SORBS2: variants seen among roughly 807,000 people sequenced by gnomAD.
SORBS2 encodes the protein sorbin and SH3 domain-containing protein 2.
SORBS2 carries 46 observed loss-of-function variants against 97.7 expected under a neutral mutation model. The ratio of observed to expected loss-of-function variants is 0.47; its 90% CI spans 0.37 to 0.60. The LOEUF (loss-of-function observed/expected upper bound fraction) is 0.60, where lower values mean the gene tolerates loss of function less well. SORBS2 is among the 20% of genes least tolerant of loss of function. The probability of loss-of-function intolerance (pLI) is 0.00; values close to 1 mark genes in which losing one functional copy is unlikely to be tolerated. For missense variants in SORBS2, 1,316 were observed against 1,282.3 expected (o/e 1.03, Z -0.40); for synonymous variants, 476 against 473.4 (o/e 1.01, Z -0.07).
intron 1 of SORBS2, among the ~76,000 whole-genome samples, chr4:185,865,329 G>T (rs561561100): frequency 1.7e-3 from 264 of 152,272 alleles, no homozygotes; most frequent in Non-Finnish European, 2.4e-3. Flanking sequence ...TGTGGCTGCT[G>T]CATCTACCTG....
intron 12 of SORBS2, among the ~76,000 whole-genome samples, chr4:185,604,697 G>A (rs2096364267): frequency 1.3e-5 from 2 of 152,050 alleles, no homozygotes; most frequent in Non-Finnish European, 2.9e-5. Flanking sequence ...TTCCTCTTTT[G>A]AATTTGATTC....
At chr4:185,801,478 T>G (rs539684388) in intron 1 of SORBS2, among the ~76,000 whole-genome samples, 1 of 152,292 alleles carries the variant, frequency 6.6e-6, no homozygotes, top group East Asian at 1.9e-4. Context: ...TCACCAACAC[T>G]CGTTATCTTT....
intron 1 of SORBS2, chr4:185,811,772 C>T (rs943858558): frequency 6.6e-6 from 1 of 152,276 alleles, no homozygotes; most frequent in African/African-American, 2.4e-5. Context: ...CAGGTAAACC[C>T]GAGAGCGTCC....
intron 1 of SORBS2, among the ~76,000 whole-genome samples, chr4:185,954,282 T>C (rs1331660045): frequency 3.3e-5 from 5 of 152,196 alleles, no homozygotes; most frequent in Admixed American, 6.5e-5. Flanking sequence ...CTTTTAAACA[T>C]AGAAATAAGT....
chr4:185,641,529 G>T (rs1268721631), intron 4 of SORBS2, among the ~76,000 whole-genome samples: 1 of 152,000 alleles, frequency 6.6e-6, no homozygotes, highest in Non-Finnish European at 1.5e-5. Context: ...ACATACAGAT[G>T]GTCAGTCAAC....
intron 12 of SORBS2, among the ~76,000 whole-genome samples, chr4:185,596,565 T>C (rs1297899637): frequency 7.6e-6 from 1 of 131,412 alleles, no homozygotes; most frequent in Non-Finnish European, 1.6e-5. Flanking sequence ...AGATGGAGTC[T>C]CACTCTGCCA....
intron 1 of SORBS2, among the ~76,000 whole-genome samples, chr4:185,806,466 T>C (rs2099155162): frequency 7.2e-5 from 2 of 27,804 alleles, no homozygotes; most frequent in Admixed American, 5.1e-4. Flanking sequence ...TTTTTTTTTT[T>C]TTTTTTTTTG....
intron 1 of SORBS2, among the ~76,000 whole-genome samples, chr4:185,932,086 G>A (rs2099266792): frequency 6.6e-6 from 1 of 151,260 alleles, no homozygotes; most frequent in Non-Finnish European, 1.5e-5. Flanking sequence ...ATTTATATAT[G>A]TGTGTGTTTA....
At chr4:185,907,565 T>C (rs928319864) in intron 1 of SORBS2, among the ~76,000 whole-genome samples, 18 of 152,212 alleles carry the variant, frequency 1.2e-4, no homozygotes, top group African/African-American at 4.3e-4. Context: ...TTGCCTCTTT[T>C]TATTTTGTTT....
At chr4:185,703,075 G>A (rs2098288534) in intron 2 of SORBS2, among the ~76,000 whole-genome samples, 2 of 152,168 alleles carry the variant, frequency 1.3e-5, no homozygotes, top group South Asian at 4.1e-4. Flanking sequence ...CAACCAAGCT[G>A]TCTCCCTCTT....
In SORBS2 at chr4:185,646,693, G is replaced by T; in HGVS notation, c.371C>A (p.Ser124Ter). The T allele has an allele frequency of 6.2e-7, 1 of 1,612,440 alleles. No individual in the cohort carries two copies. The highest frequency in any genetic ancestry group is 1.1e-5 in the South Asian group (1 of 91,018). Residue 124 changes from serine (S) to a stop codon, truncating the protein, a stop_gained, in exon 4 of 15, where the codon TCA becomes TAA. Transcript: ENST00000418609. LOFTEE classifies it high-confidence loss of function. ...TGGTCTTTCATGCTGAAGAATTGAT[G>T]ACTTGCCAGGTTCATATTCAAAAAT...
At chr4:185,598,998 G>T (rs2096188243) in intron 12 of SORBS2, among the ~76,000 whole-genome samples, 1 of 152,188 alleles carries the variant, frequency 6.6e-6, no homozygotes. Context: ...GCTCTGGAAG[G>T]CCATTCGGGG....
At position 185,623,523 on chromosome 4, in the gene SORBS2, A is replaced by T. The variant is rs1304404317; in HGVS notation, c.1606T>A (p.Ser536Thr). Residue 536 changes from serine to threonine, a missense_variant, in exon 7 of 15, where the codon TCC (serine) becomes ACC (threonine). Physicochemically the swap from Ser to Thr is moderately conservative, Grantham distance 58 (BLOSUM62 1). Transcript: ENST00000418609. This position sits in a 1 kb window ranked among gnomAD's most constrained non-coding sequence, Gnocchi z 6.4. ...TGGCTGGATCCGTAAAAGCTTTCGG[A>T]GGATGTGAAGGAAAAGTGATCAAAG... The T allele has an allele frequency of 3.5e-5, 56 of 1,613,614 alleles. No homozygotes were observed. Among genetic ancestry groups the T allele is most frequent in the Non-Finnish European group, 4.7e-5 (55 of 1,179,930 alleles).
At chr4:185,648,704 C>A (rs1490122198) in intron 3 of SORBS2, among the ~76,000 whole-genome samples, 2 of 151,898 alleles carry the variant, frequency 1.3e-5, no homozygotes, top group African/African-American at 2.4e-5. Flanking sequence ...GAGCTTGGAC[C>A]CTGGCTTGGA....
chr4:185,705,774 G>A (rs372286714), intron 2 of SORBS2, among the ~76,000 whole-genome samples: 1 of 152,142 alleles, frequency 6.6e-6, no homozygotes, highest in East Asian at 1.9e-4. Flanking sequence ...GTCAGGGAGA[G>A]TTAGACAAAG....
intron 1 of SORBS2, among the ~76,000 whole-genome samples, chr4:185,953,217 T>C (rs1426105691): frequency 6.6e-6 from 1 of 152,186 alleles, no homozygotes; most frequent in Non-Finnish European, 1.5e-5. Flanking sequence ...GGGAGGCTGA[T>C]GCAGGAGAAT....
At chr4:185,696,461 C>CT (rs1044868826) in intron 2 of SORBS2, among the ~76,000 whole-genome samples, 3 of 152,002 alleles carry the variant, frequency 2.0e-5, no homozygotes, top group African/African-American at 7.2e-5. Context: ...ACCTTACTTT[C>CT]TTTTTTTTCT....
intron 1 of SORBS2, among the ~76,000 whole-genome samples, chr4:185,857,194 T>C (rs1156869955): frequency 6.6e-6 from 1 of 152,150 alleles, no homozygotes; most frequent in Non-Finnish European, 1.5e-5. Context: ...AGAACATAAA[T>C]TGTGAAGATT....
At chr4:185,755,294 T>G (rs2153603209) in intron 2 of SORBS2, among the ~76,000 whole-genome samples, 1 of 152,338 alleles carries the variant, frequency 6.6e-6, no homozygotes, top group East Asian at 1.9e-4. Flanking sequence ...CACAGCCAAT[T>G]CACTGAAAAG....
Sources: gnomAD v4.1 joint callset for allele counts (sites outside exome capture counted in the v4.1 genomes callset) on GRCh38, gnomAD v4.1.1 for gene constraint, Gnocchi (gnomAD v3.1) non-coding constraint, MANE v1.5 for transcripts, NCBI Gene and HGNC (gene_info 2026-07-23, HGNC 2026-07-21) for gene names.